The following ZDHHC21 variants were observed in gnomAD, a reference collection of about 807,000 sequenced individuals.
The protein encoded by ZDHHC21 is zDHHC palmitoyltransferase 21.
In ZDHHC21, 15 loss-of-function variants were observed where a neutral mutation model predicts 34.6. The ratio of observed to expected loss-of-function variants is 0.43; its 90% confidence interval spans 0.29 to 0.67. The LOEUF is 0.67. Among genes scored for constraint, ZDHHC21 ranks in the 30% least tolerant of loss-of-function variants. The pLI, the probability that ZDHHC21 is intolerant of heterozygous loss-of-function variation, is 0.14. For missense variants in ZDHHC21, 344 were observed against 327.7 expected (o/e 1.05, Z -0.38); for synonymous variants, 142 against 101.8 (o/e 1.40, Z -2.38).
Position 14,619,697 on chromosome 9 carries a change from A to C in ZDHHC21, c.622-15T>G, listed in dbSNP as rs1294609630. The C allele has an allele frequency of 4.6e-6, 6 of 1,309,332 alleles. No homozygotes were observed. Among genetic ancestry groups the C allele is most frequent in the Non-Finnish European group, 5.3e-6 (5 of 949,578 alleles). The allele number at this position is 1,309,332 out of a possible 1,614,324, so 81.1% of individuals were successfully genotyped here. ...GATGTTGTATCCTATTAAAAATAAA[A>C]AATTATATTCAGATGTAAGAAAGTT... On this transcript the variant is annotated splice_polypyrimidine_tract_variant and intron_variant, in intron 8 of 9. Transcript: ENST00000380916.
At chr9:14,642,570 T>C (rs569946763) in intron 7 of ZDHHC21, among the ~76,000 whole-genome samples, 2 of 152,106 alleles carry the variant, frequency 1.3e-5, no homozygotes, top group East Asian at 3.9e-4. Flanking sequence ...GCCCTTAGGG[T>C]GGGCACTAAT....
chr9:14,622,020 T>C (rs1443584427), intron 8 of ZDHHC21, among the ~76,000 whole-genome samples: 5 of 152,148 alleles, frequency 3.3e-5, no homozygotes, highest in Non-Finnish European at 5.9e-5. Context: ...AAGTCCTCAG[T>C]TATATGTAAA....
At chr9:14,664,739 C>G (rs562449575) in intron 5 of ZDHHC21, among the ~76,000 whole-genome samples, 1 of 152,194 alleles carries the variant, frequency 6.6e-6, no homozygotes, top group Admixed American at 6.5e-5. Context: ...CAGGGGCACA[C>G]TGACATCTCA....
chr9:14,644,189 T>C (rs1829884942), intron 7 of ZDHHC21, among the ~76,000 whole-genome samples: 2 of 152,310 alleles, frequency 1.3e-5, no homozygotes, highest in African/African-American at 4.8e-5. Flanking sequence ...GTCTAAAGGT[T>C]TGTTTGTGAG....
chr9:14,601,880 G>A, the ZDHHC21 span, among the ~76,000 whole-genome samples: 1 of 152,080 alleles, frequency 6.6e-6, no homozygotes, highest in African/African-American at 2.4e-5. Flanking sequence ...ATCATTCTCA[G>A]CAAACGCTCA....
At position 14,626,898 on chromosome 9, in the gene ZDHHC21, A is replaced by C. The variant is rs912353367; in HGVS notation, c.622-7216T>G. On this transcript the variant is annotated intron_variant, in intron 8 of 9. Coordinates refer to ENST00000380916, the MANE Select transcript of ZDHHC21 (RefSeq NM_178566.6). ...ATAATATTACAATTGGGAATACTAC[A>C]TTAGAAATACATTTATTTTATTTTT... Among the ~76,000 whole-genome samples, 14 of 152,232 alleles carry C rather than the reference A, an allele frequency of 9.2e-5. No homozygotes were observed. The East Asian group carries it at 1.9e-3, about 21-fold the overall frequency.
At chr9:14,647,087 AAC>A (rs1364973941) in intron 7 of ZDHHC21, among the ~76,000 whole-genome samples, 1 of 152,136 alleles carries the variant, frequency 6.6e-6, no homozygotes, top group African/African-American at 2.4e-5. Flanking sequence ...AGCAGCAATA[AAC>A]ACAGAAAAAG....
intron 8 of ZDHHC21, among the ~76,000 whole-genome samples, chr9:14,630,083 T>A (rs746824080): frequency 1.3e-5 from 2 of 152,170 alleles, no homozygotes; most frequent in Admixed American, 6.5e-5. Flanking sequence ...TAAAGTCTGC[T>A]GCATAGGTTG....
intron 5 of ZDHHC21, among the ~76,000 whole-genome samples, chr9:14,671,630 C>G (rs2131507096): frequency 6.6e-6 from 1 of 152,070 alleles, no homozygotes; most frequent in South Asian, 2.1e-4. Context: ...AGAATTTCCA[C>G]TGTAATGCTA....
intron 8 of ZDHHC21, among the ~76,000 whole-genome samples, chr9:14,628,402 A>G (rs753918445): frequency 9.9e-5 from 15 of 152,212 alleles, no homozygotes; most frequent in Non-Finnish European, 2.1e-4. Flanking sequence ...AAATTACTGA[A>G]AAGTGATATG....
chr9:14,648,262 C>A (rs374263865), intron 7 of ZDHHC21, among the ~76,000 whole-genome samples: 14 of 152,200 alleles, frequency 9.2e-5, no homozygotes, highest in African/African-American at 3.1e-4. Context: ...TTTTAGCAGC[C>A]TAGTAGCTGG....
intron 7 of ZDHHC21, among the ~76,000 whole-genome samples, chr9:14,643,979 G>C (rs979705325): frequency 2.6e-5 from 4 of 152,116 alleles, no homozygotes; most frequent in Non-Finnish European, 5.9e-5. Context: ...GATTATTCCA[G>C]ATAATTTGTA....
chr9:14,626,360 A>C (rs1367946178), intron 8 of ZDHHC21, among the ~76,000 whole-genome samples: 1 of 152,032 alleles, frequency 6.6e-6, no homozygotes, highest in Non-Finnish European at 1.5e-5. Context: ...ATGAATATCT[A>C]GGAAAAATTG....
chr9:14,649,123 A>C (rs970441472), intron 7 of ZDHHC21, among the ~76,000 whole-genome samples: 1 of 151,996 alleles, frequency 6.6e-6, no homozygotes, highest in African/African-American at 2.4e-5. Flanking sequence ...AACCAAAAAC[A>C]TCTCCAGACA....
At chr9:14,680,497 T>C (rs929912411) in intron 2 of ZDHHC21, among the ~76,000 whole-genome samples, 10 of 152,148 alleles carry the variant, frequency 6.6e-5, no homozygotes, top group Non-Finnish European at 1.0e-4. Context: ...TAACGATAGA[T>C]TCTGGTAGAA....
intron 7 of ZDHHC21, among the ~76,000 whole-genome samples, chr9:14,645,954 G>C (rs921473686): frequency 2.0e-5 from 3 of 152,104 alleles, no homozygotes; most frequent in African/African-American, 7.2e-5. Flanking sequence ...TACTCTACTG[G>C]TAGGAGTTTA....
At chr9:14,662,607 C>T (rs1282791109) in intron 5 of ZDHHC21, among the ~76,000 whole-genome samples, 1 of 152,138 alleles carries the variant, frequency 6.6e-6, no homozygotes, top group Non-Finnish European at 1.5e-5. Flanking sequence ...TCTGGGTATA[C>T]TGTGAGAATA....
downstream of ZDHHC21, among the ~76,000 whole-genome samples, chr9:14,610,138 G>T (rs917627207): frequency 1.3e-5 from 2 of 151,640 alleles, no homozygotes; most frequent in African/African-American, 4.8e-5. Context: ...GATCCTAATC[G>T]GTTTTATTTT....
rs1267358436 is a variant in ZDHHC21, at chr9:14,639,256, C to A, written c.621+640G>T. ...ATTATGTTAAATGAAACAAACCAGG[C>A]ACAGAAAGACAAATATCATATTTTC... is the stretch of plus-strand genomic sequence containing the variant. On this transcript the variant is annotated intron_variant, in intron 8 of 9. Coordinates refer to ENST00000380916, the MANE Select transcript of ZDHHC21 (RefSeq NM_178566.6). Among the ~76,000 whole-genome samples, 5 of 151,902 alleles carry A rather than the reference C, an allele frequency of 3.3e-5. No individual in the cohort carries two copies. The East Asian group carries it at 9.6e-4, about 29-fold the overall frequency.
Sources: gnomAD v4.1 joint callset for allele counts (sites outside exome capture counted in the v4.1 genomes callset) on GRCh38, gnomAD v4.1.1 for gene constraint, MANE v1.5 for transcripts, NCBI Gene and HGNC (gene_info 2026-07-23, HGNC 2026-07-21) for gene names.